The following ELMO1 variants were observed in gnomAD, a reference collection of about 807,000 sequenced individuals.
ELMO1 encodes the protein engulfment and cell motility protein 1.
Under a neutral mutation model 98.9 loss-of-function variants are expected in ELMO1, and 26 were observed. The ratio of observed to expected loss-of-function variants is 0.26; its 90% CI spans 0.19 to 0.36. The LOEUF is 0.36. ELMO1 is among the 10% of genes least tolerant of loss of function. The pLI, the probability that ELMO1 is intolerant of heterozygous loss-of-function variation, is 1.00. For missense variants in ELMO1, 627 were observed against 935.2 expected (o/e 0.67, Z 4.30); for synonymous variants, 346 against 346.0 (o/e 1.00, Z 0.00).
At chr7:37,110,039 C>A (rs964941627) in intron 14 of ELMO1, among the ~76,000 whole-genome samples, 1 of 152,180 alleles carries the variant, frequency 6.6e-6, no homozygotes, top group Non-Finnish European at 1.5e-5. Context: ...TGAACCAGGT[C>A]CTCCCCTGCC....
chr7:37,056,732 C>A (rs558126878), intron 15 of ELMO1, among the ~76,000 whole-genome samples: 1 of 152,076 alleles, frequency 6.6e-6, no homozygotes, highest in Non-Finnish European at 1.5e-5. Context: ...TGTGAGTGTG[C>A]ATGTGATGGT....
At chr7:37,235,511 T>C (rs1226486607) in intron 7 of ELMO1, among the ~76,000 whole-genome samples, 1 of 149,876 alleles carries the variant, frequency 6.7e-6, no homozygotes, top group African/African-American at 2.4e-5. Flanking sequence ...GTCAAAAAAA[T>C]TCCCATATAC....
At chr7:37,192,986 TATATATATATATATATATATATAC>T (rs1225290321) in intron 13 of ELMO1, among the ~76,000 whole-genome samples, 2 of 51,840 alleles carry the variant, frequency 3.9e-5, no homozygotes, top group African/African-American at 6.4e-5. Flanking sequence ...TATATATATA[TATATATATATATATATATATATAC>T]ACACACACAC....
intron 1 of ELMO1, among the ~76,000 whole-genome samples, chr7:37,367,745 A>G (rs1439159033): frequency 6.6e-6 from 1 of 152,188 alleles, no homozygotes; most frequent in African/African-American, 2.4e-5. Context: ...AGAAACAAAC[A>G]AACAAACAAA....
At chr7:37,382,609 C>G (rs1802624565) in intron 1 of ELMO1, among the ~76,000 whole-genome samples, 1 of 152,194 alleles carries the variant, frequency 6.6e-6, no homozygotes, top group Non-Finnish European at 1.5e-5. Flanking sequence ...GAGACTGCAT[C>G]AGGATGGACC....
At chr7:37,416,705 T>C (rs1804230099) in intron 1 of ELMO1, among the ~76,000 whole-genome samples, 1 of 152,254 alleles carries the variant, frequency 6.6e-6, no homozygotes, top group African/African-American at 2.4e-5. Context: ...TAGCTCTAGA[T>C]GGAAGCCCAA....
intron 13 of ELMO1, among the ~76,000 whole-genome samples, chr7:37,151,539 GTGACACTATCTGGCCATTTT>G (rs1235002807): frequency 6.6e-6 from 1 of 152,082 alleles, no homozygotes; most frequent in Non-Finnish European, 1.5e-5. Context: ...AACCACTTAA[GTGACACTATCTGGCCATTTT>G]TGACGTACAA....
At chr7:37,153,538 C>A (rs1788506950) in intron 13 of ELMO1, among the ~76,000 whole-genome samples, 1 of 152,200 alleles carries the variant, frequency 6.6e-6, no homozygotes, top group South Asian at 2.1e-4. Flanking sequence ...GATGCTAGCA[C>A]AGCAATCTAA....
At chr7:37,337,793 G>C (rs1018446540) in intron 2 of ELMO1, among the ~76,000 whole-genome samples, 1 of 152,140 alleles carries the variant, frequency 6.6e-6, no homozygotes, top group Non-Finnish European at 1.5e-5. Flanking sequence ...GCAGAGACAA[G>C]AAATACTGGA....
At chr7:37,385,344 C>T (rs571846706) in intron 1 of ELMO1, among the ~76,000 whole-genome samples, 2 of 152,356 alleles carry the variant, frequency 1.3e-5, no homozygotes, top group African/African-American at 4.8e-5. Context: ...CCATCTCCCC[C>T]TCCCCTCCAG....
intron 14 of ELMO1, among the ~76,000 whole-genome samples, chr7:37,119,835 C>T (rs1396125827): frequency 1.3e-5 from 2 of 152,146 alleles, no homozygotes; most frequent in Non-Finnish European, 2.9e-5. Flanking sequence ...TCATTATCTT[C>T]TATAACAGTC....
chr7:37,150,496 G>GC (rs1412278687), intron 13 of ELMO1, among the ~76,000 whole-genome samples: 2 of 151,756 alleles, frequency 1.3e-5, no homozygotes, highest in African/African-American at 4.8e-5. Context: ...GGAACACTAT[G>GC]CAACATTTAT....
chr7:37,317,223 G>A (rs562768575), intron 2 of ELMO1, among the ~76,000 whole-genome samples: 33 of 152,104 alleles, frequency 2.2e-4, no homozygotes, highest in Non-Finnish European at 4.6e-4. Context: ...CCTCTCCAAG[G>A]GCCTCCCTAA....
At chr7:37,081,388 C>T (rs368183817) in intron 15 of ELMO1, among the ~76,000 whole-genome samples, 11 of 152,218 alleles carry the variant, frequency 7.2e-5, no homozygotes, top group African/African-American at 2.2e-4. Flanking sequence ...AAGTAATATG[C>T]GTATTAGTTC....
At chr7:37,419,086 C>G (rs1233196090) in intron 1 of ELMO1, among the ~76,000 whole-genome samples, 1 of 152,132 alleles carries the variant, frequency 6.6e-6, no homozygotes, top group Admixed American at 6.5e-5. Flanking sequence ...AGAACAGAAA[C>G]AGCCGCTCAG....
At chr7:37,322,729 G>T (rs1799587442) in intron 2 of ELMO1, among the ~76,000 whole-genome samples, 1 of 152,062 alleles carries the variant, frequency 6.6e-6, no homozygotes. Flanking sequence ...CTTGAGCCCA[G>T]GAAGCAGAGG....
intron 21 of ELMO1, among the ~76,000 whole-genome samples, chr7:36,858,658 CAGA>C (rs778349291): frequency 6.7e-6 from 1 of 149,098 alleles, no homozygotes; most frequent in Non-Finnish European, 1.5e-5. Context: ...GAGAAGGAAA[CAGA>C]AGAAGAGTCA....
At chr7:37,290,850 TTGA>T (rs66521312) in intron 4 of ELMO1, among the ~76,000 whole-genome samples, 53,119 of 151,188 alleles carry the variant, frequency 0.35, 10,419 homozygotes, top group Middle Eastern at 0.54. Flanking sequence ...CAGGGTGATT[TTGA>T]TGATGATGAT....
chr7:37,180,275 G>C (rs955373091), intron 13 of ELMO1, among the ~76,000 whole-genome samples: 5 of 152,100 alleles, frequency 3.3e-5, no homozygotes, highest in Admixed American at 3.3e-4. Context: ...TGCCATCACT[G>C]GTTTTTGTAG....
Sources: gnomAD v4.1 joint callset for allele counts (sites outside exome capture counted in the v4.1 genomes callset) on GRCh38, gnomAD v4.1.1 for gene constraint, MANE v1.5 for transcripts, NCBI Gene and HGNC (gene_info 2026-07-23, HGNC 2026-07-21) for gene names.